Variants in PTDSS1 observed in about 807,000 individuals in gnomAD.
The protein encoded by PTDSS1 is phosphatidylserine synthase 1.
PTDSS1 carries 45 observed loss-of-function variants against 70.5 expected under a neutral mutation model. The observed-to-expected ratio is 0.64, with a 90% CI of 0.50 to 0.82. The LOEUF (loss-of-function observed/expected upper bound fraction) is 0.82. PTDSS1 is among the 40% of genes least tolerant of loss of function. PTDSS1 has a pLI of 0.00. For synonymous variants in PTDSS1, 188 were observed against 203.8 expected, an observed-to-expected ratio of 0.92 and a Z score of 0.66; for missense variants, 417 against 586.1, an observed-to-expected ratio of 0.71 and a Z score of 2.98.
chr8:96,321,854 T>G (rs1811377013), intron 10 of PTDSS1, among the ~76,000 whole-genome samples: 2 of 152,236 alleles, frequency 1.3e-5, no homozygotes. Context: ...ATCTCCTTTG[T>G]ATTTAAACTA....
At chr8:96,306,945 A>G (rs1811132918) in intron 8 of PTDSS1, among the ~76,000 whole-genome samples, 2 of 152,180 alleles carry the variant, frequency 1.3e-5, no homozygotes, top group Admixed American at 6.5e-5. Flanking sequence ...GTCATAAATG[A>G]CATTATTTTT....
In PTDSS1 at chr8:96,279,557, G is replaced by A. The variant is rs984814216; in HGVS notation, c.272-4552G>A. On this transcript the variant is annotated intron_variant, in intron 2 of 12. Transcript: ENST00000517309. The stretch of plus-strand genomic sequence containing the variant: ...TTTCCAGCCCAGCGTAGTGGCTCAC[G>A]CCTGTAATCCCAGCACTTTGGGAGG... Among the ~76,000 whole-genome samples, 19 of 151,364 alleles carry A rather than the reference G, an allele frequency of 1.3e-4. No homozygotes were observed. In the East Asian group the frequency reaches 3.1e-3, roughly 25 times the overall value.
At chr8:96,275,821 T>A (rs1810632785) in intron 2 of PTDSS1, among the ~76,000 whole-genome samples, 1 of 152,232 alleles carries the variant, frequency 6.6e-6, no homozygotes, top group Admixed American at 6.5e-5. Flanking sequence ...CTACCTTCTG[T>A]ATCCCGTGAT....
intron 5 of PTDSS1, 68 bp downstream of exon 5, chr8:96,295,324 A>G: frequency 6.9e-7 from 1 of 1,453,450 alleles, no homozygotes. Flanking sequence ...AGGAAAAAGT[A>G]TGTCAGTTAA....
chr8:96,314,434 G>GT (rs1811255860), intron 9 of PTDSS1, among the ~76,000 whole-genome samples: 1 of 19,994 alleles, frequency 5.0e-5, no homozygotes, highest in Non-Finnish European at 1.3e-4. Flanking sequence ...CAGATGTTGG[G>GT]AGGGGGGTCC....
Position 96,262,265 on chromosome 8 carries a change from A to AG in PTDSS1, c.179+47dup. On this transcript the variant is annotated intron_variant, in intron 1 of 12. Coordinates refer to ENST00000517309, the MANE Select transcript of PTDSS1 (RefSeq NM_014754.3). The surrounding 1 kb of genome is among the most constrained non-coding windows in gnomAD (Gnocchi z 4.4). ...GGGGGGCGCGTCCAAGGGCTAGGGA[A>AG]GAGGCGGGAGGGAGGGTGGCGGGGA... The AG allele has an allele frequency of 1.3e-6, 1 of 742,574 alleles. No homozygotes were observed. Among genetic ancestry groups the AG allele is most frequent in the African/African-American group, 1.9e-5 (1 of 53,160 alleles). The allele number at this position is 742,574 out of a possible 1,614,324, so 46.0% of individuals were successfully genotyped here. A position where few individuals can be genotyped will look rare whatever the true frequency, so the allele number is the denominator to read the frequency against.
chr8:96,307,181 A>T (rs1328282581), intron 8 of PTDSS1, among the ~76,000 whole-genome samples: 2 of 152,100 alleles, frequency 1.3e-5, no homozygotes, highest in African/African-American at 4.8e-5. Flanking sequence ...CATTTTTCCT[A>T]TTTAGAAATG....
chr8:96,309,767 C>G, intron 9 of PTDSS1, 145 bp downstream of exon 9: 1 of 587,246 alleles, frequency 1.7e-6, no homozygotes, highest in Non-Finnish European at 3.0e-6. Flanking sequence ...ATATCTATAT[C>G]TATATATACA....
At chr8:96,300,651 C>T (rs554417849) in intron 6 of PTDSS1, among the ~76,000 whole-genome samples, 83 of 152,308 alleles carry the variant, frequency 5.4e-4, no homozygotes, top group Non-Finnish European at 9.7e-4. Flanking sequence ...GTGTTTAAAA[C>T]TTTGTTTACT....
rs1811597132 is a variant in PTDSS1 at position 96,336,653 on chromosome 8, A to G, written c.*3087A>G. On this transcript the variant is annotated 3_prime_UTR_variant, in exon 13 of 13. Coordinates refer to ENST00000517309, the MANE Select transcript of PTDSS1 (RefSeq NM_014754.3). ...ATGACAACTAGAAATCCCACAGTAG[A>G]CTAGACAGTGCTCCCTACCATTTCC... The G allele has an allele frequency of 6.6e-6, 1 of 151,894 alleles. No homozygotes were observed. Among genetic ancestry groups the G allele is most frequent in the South Asian group, 2.1e-4 (1 of 4,824 alleles). 9.4% of individuals were successfully genotyped at this position (151,894 alleles called of 1,614,324 possible).
chr8:96,287,161 G>C lies in PTDSS1; in HGVS notation c.441+15G>C. 1 of 1,613,316 alleles carries C rather than the reference G, an allele frequency of 6.2e-7. No homozygotes were observed. Among genetic ancestry groups the C allele is most frequent in the Non-Finnish European group, 8.5e-7 (1 of 1,179,574 alleles). Reference sequence around the variant, plus strand: ...CAGATGTCATGGTATGTACTTGTCAGTGGCCTCTTGGAGAAACTCGTAGAC... The same window carrying C: ...CAGATGTCATGGTATGTACTTGTCACTGGCCTCTTGGAGAAACTCGTAGAC... On this transcript the variant is annotated intron_variant, in intron 4 of 12. Coordinates refer to ENST00000517309, the MANE Select transcript of PTDSS1 (RefSeq NM_014754.3).
At chr8:96,308,482 A>G (rs959195454) in intron 8 of PTDSS1, among the ~76,000 whole-genome samples, 2 of 152,180 alleles carry the variant, frequency 1.3e-5, no homozygotes, top group African/African-American at 4.8e-5. Flanking sequence ...AGTGACCCCA[A>G]AAAGATGATG....
At chr8:96,276,410 C>A (rs1357179404) in intron 2 of PTDSS1, among the ~76,000 whole-genome samples, 1 of 152,198 alleles carries the variant, frequency 6.6e-6, no homozygotes, top group Non-Finnish European at 1.5e-5. Flanking sequence ...CATTGTGGGA[C>A]TGTGCTTTTG....
At chr8:96,304,006 C>T (rs112662487) in intron 6 of PTDSS1, 34 bp from the exon 7 acceptor site, 1 of 1,578,432 alleles carries the variant, frequency 6.3e-7, no homozygotes, top group African/African-American at 1.4e-5. Flanking sequence ...TGCCTTATCT[C>T]TGGATTTTCA....
At chr8:96,280,464 G>A (rs1810719686) in intron 2 of PTDSS1, among the ~76,000 whole-genome samples, 1 of 152,018 alleles carries the variant, frequency 6.6e-6, no homozygotes. Context: ...AAAGCCTGCA[G>A]TGAGCTGAGA....
At chr8:96,325,073 A>C (rs921907340) in intron 10 of PTDSS1, among the ~76,000 whole-genome samples, 1 of 152,308 alleles carries the variant, frequency 6.6e-6, no homozygotes, top group South Asian at 2.1e-4. Flanking sequence ...GGTGCCTACT[A>C]TGTGCCAGAG....
chr8:96,282,911 A>G (rs1383892918), intron 2 of PTDSS1, among the ~76,000 whole-genome samples: 1 of 152,172 alleles, frequency 6.6e-6, no homozygotes, highest in Non-Finnish European at 1.5e-5. Flanking sequence ...GGCACCACCC[A>G]CAGAGCTGTT....
chr8:96,281,730 C>T (rs1406091012), intron 2 of PTDSS1, among the ~76,000 whole-genome samples: 1 of 152,198 alleles, frequency 6.6e-6, no homozygotes, highest in Non-Finnish European at 1.5e-5. Flanking sequence ...TGAGCTGACC[C>T]AGTTCTGTGA....
Position 96,333,857 on chromosome 8 carries a change from A to T in PTDSS1, c.*291A>T, listed in dbSNP as rs1457897871. 1.6e-6 allele frequency: 1 copy of T among 643,144 alleles called. No homozygotes were observed. The highest frequency in any genetic ancestry group is 1.8e-5 in the African/African-American group (1 of 55,138). The allele number at this position is 643,144 out of a possible 1,614,324, so 39.8% of individuals were successfully genotyped here. A position where few individuals can be genotyped will look rare whatever the true frequency, so the allele number is the denominator to read the frequency against. On this transcript the variant is annotated 3_prime_UTR_variant, in exon 13 of 13. Coordinates refer to ENST00000517309, the MANE Select transcript of PTDSS1 (RefSeq NM_014754.3). Reference sequence around the variant, plus strand: ...TGTTGAAGGGAAACGGTAGCTATTCATTCACAGTTGCCAAGAGCAGCTCCG... The same window carrying T: ...TGTTGAAGGGAAACGGTAGCTATTCTTTCACAGTTGCCAAGAGCAGCTCCG...
Sources: allele counts gnomAD v4.1 joint callset (sites outside exome capture counted in the v4.1 genomes callset), GRCh38; gene constraint gnomAD v4.1.1; non-coding constraint Gnocchi (gnomAD v3.1); transcripts MANE v1.5; gene names NCBI Gene and HGNC (gene_info 2026-07-23, HGNC 2026-07-21).